Variants in NAV2 observed in about 807,000 individuals in gnomAD.
NAV2 encodes the protein helicase, APC down-regulated 1.
In NAV2, 54 loss-of-function variants were observed where a neutral mutation model predicts 223.2. The observed-to-expected ratio is 0.24, with a 90% CI of 0.19 to 0.30. The LOEUF (loss-of-function observed/expected upper bound fraction) is 0.30, where lower values mean the gene tolerates loss of function less well. NAV2 is among the 10% of genes least tolerant of loss of function. The probability of loss-of-function intolerance (pLI) is 1.00; values close to 1 mark genes in which losing one functional copy is unlikely to be tolerated. For synonymous variants in NAV2, 1,279 were observed against 1,239.3 expected (o/e 1.03, Z -0.67); for missense variants, 2,806 against 3,147.5 (o/e 0.89, Z 2.60).
At chr11:19,934,411 A>T in intron 7 of NAV2, 134 bp downstream of exon 7, 1 of 1,056,186 alleles carries the variant, frequency 9.5e-7, no homozygotes, top group Non-Finnish European at 1.3e-6. Context: ...AAACCACGTG[A>T]TGAACTCCTA....
At chr11:19,675,417 C>T (rs1002381436) in intron 1 of NAV2, among the ~76,000 whole-genome samples, 5 of 152,176 alleles carry the variant, frequency 3.3e-5, no homozygotes, top group African/African-American at 4.8e-5. Flanking sequence ...TGCTCACACA[C>T]GCATGCATAC....
At chr11:19,558,096 G>C (rs763791634) in intron 1 of NAV2, among the ~76,000 whole-genome samples, 6 of 152,176 alleles carry the variant, frequency 3.9e-5, no homozygotes, top group Admixed American at 6.5e-5. Context: ...AAAACCTGCT[G>C]TTATTTATTA....
At chr11:20,054,490 A>G (rs1329158598) in intron 18 of NAV2, among the ~76,000 whole-genome samples, 1 of 152,176 alleles carries the variant, frequency 6.6e-6, no homozygotes, top group Non-Finnish European at 1.5e-5. Flanking sequence ...GATCGATTAC[A>G]GGGGATTGAC....
intron 1 of NAV2, 83 bp downstream of exon 1, chr11:19,714,045 A>T: frequency 1.3e-6 from 2 of 1,530,190 alleles, no homozygotes; most frequent in Non-Finnish European, 1.8e-6. Flanking sequence ...AAAGGGCTGG[A>T]TGGGAGAAGG....
chr11:19,633,384 A>G (rs1448675183), intron 1 of NAV2, among the ~76,000 whole-genome samples: 1 of 152,238 alleles, frequency 6.6e-6, no homozygotes, highest in Non-Finnish European at 1.5e-5. Context: ...ACCTGCCAAC[A>G]GGGCTAAGAG....
chr11:19,612,985 A>G (rs2046686485), intron 1 of NAV2, among the ~76,000 whole-genome samples: 1 of 152,244 alleles, frequency 6.6e-6, no homozygotes, highest in Non-Finnish European at 1.5e-5. Flanking sequence ...GGGAGGCCTC[A>G]GAATCATCCC....
intron 10 of NAV2, among the ~76,000 whole-genome samples, chr11:19,965,869 C>T (rs1233815258): frequency 6.6e-6 from 1 of 152,222 alleles, no homozygotes; most frequent in Non-Finnish European, 1.5e-5. Flanking sequence ...GCTTGGAAAA[C>T]AGCAGGGCTG....
chr11:20,022,422 CT>C (rs2054585814), intron 11 of NAV2: 1 of 339,732 alleles, frequency 2.9e-6, no homozygotes, highest in South Asian at 1.2e-4. Flanking sequence ...AATAAGTAGC[CT>C]GCGGAATTAA....
chr11:19,641,415 A>C (rs1418634250), intron 1 of NAV2, among the ~76,000 whole-genome samples: 1 of 152,018 alleles, frequency 6.6e-6, no homozygotes, highest in Admixed American at 6.6e-5. Context: ...GGAATACTGC[A>C]GGAGACTCTT....
intron 1 of NAV2, among the ~76,000 whole-genome samples, chr11:19,493,563 A>G (rs903447655): frequency 1.3e-5 from 2 of 152,114 alleles, no homozygotes; most frequent in South Asian, 4.1e-4. Context: ...AGCTATACCA[A>G]TCCCTGGAGA....
chr11:19,347,971 T>C (rs1853093725), upstream of NAV2, among the ~76,000 whole-genome samples: 1 of 152,214 alleles, frequency 6.6e-6, no homozygotes, highest in Non-Finnish European at 1.5e-5. Context: ...CTCTTTCTCC[T>C]GTGACTCTCT....
intron 1 of NAV2, among the ~76,000 whole-genome samples, chr11:19,758,524 G>A (rs1439704002): frequency 6.6e-6 from 1 of 152,160 alleles, no homozygotes; most frequent in African/African-American, 2.4e-5. Context: ...AGGCAGTGCG[G>A]GGGACCAGGA....
At chr11:19,486,320 T>C (rs925227485) in intron 1 of NAV2, among the ~76,000 whole-genome samples, 2 of 152,126 alleles carry the variant, frequency 1.3e-5, no homozygotes, top group Non-Finnish European at 2.9e-5. Context: ...TCCTCGTCAT[T>C]TTTTCAATCC....
intron 5 of NAV2, among the ~76,000 whole-genome samples, chr11:19,887,753 C>A (rs1360218836): frequency 1.3e-5 from 2 of 152,088 alleles, no homozygotes; most frequent in Admixed American, 1.3e-4. Context: ...TTGGTCCTCT[C>A]TGCCCAGCTG....
chr11:19,583,934 A>G (rs577982766), intron 1 of NAV2, among the ~76,000 whole-genome samples: 3 of 152,318 alleles, frequency 2.0e-5, no homozygotes, highest in Admixed American at 2.0e-4. Context: ...GTTGATTGGA[A>G]TAGTTTCAAA....
At chr11:19,652,809 C>T (rs1332594088) in intron 1 of NAV2, among the ~76,000 whole-genome samples, 1 of 152,210 alleles carries the variant, frequency 6.6e-6, no homozygotes, top group African/African-American at 2.4e-5. Flanking sequence ...TAGCATTCTC[C>T]ACCTTGCTTT....
At chr11:19,951,910 C>G (rs1446848191) in intron 10 of NAV2, among the ~76,000 whole-genome samples, 1 of 152,200 alleles carries the variant, frequency 6.6e-6, no homozygotes, top group Non-Finnish European at 1.5e-5. Flanking sequence ...GAACTTTGGT[C>G]TGGTTTCTCT....
intron 1 of NAV2, among the ~76,000 whole-genome samples, chr11:19,464,083 A>G (rs1446982160): frequency 2.6e-5 from 4 of 152,198 alleles, no homozygotes; most frequent in African/African-American, 9.6e-5. Flanking sequence ...GCATTTCTCT[A>G]TTTCATACGG....
At chr11:19,532,012 GA>G (rs1326207659) in intron 1 of NAV2, among the ~76,000 whole-genome samples, 1 of 151,894 alleles carries the variant, frequency 6.6e-6, no homozygotes, top group Non-Finnish European at 1.5e-5. Flanking sequence ...TAAAGAGAAA[GA>G]AAAAAAATTA....
Sources: allele counts gnomAD v4.1 joint callset (sites outside exome capture counted in the v4.1 genomes callset), GRCh38; gene constraint gnomAD v4.1.1; transcripts MANE v1.5; gene names NCBI Gene and HGNC (gene_info 2026-07-23, HGNC 2026-07-21).